Variants in MKLN1 observed in about 807,000 individuals in gnomAD.
MKLN1 encodes muskelin.
Under a neutral mutation model 99.0 loss-of-function variants are expected in MKLN1, and 18 were observed. The observed-to-expected ratio is 0.18, with a 90% CI of 0.13 to 0.27. MKLN1 has a LOEUF of 0.27. Ranked by LOEUF, MKLN1 falls within the 10% of genes least tolerant of loss-of-function variation. The pLI, the probability that MKLN1 is intolerant of heterozygous loss-of-function variation, is 1.00. For missense variants in MKLN1, 621 were observed against 875.9 expected (o/e 0.71, Z 3.67); for synonymous variants, 288 against 293.2 (o/e 0.98, Z 0.18).
At chr7:131,245,713 T>A (rs1030611125) in intron 3 of MKLN1, among the ~76,000 whole-genome samples, 1 of 152,236 alleles carries the variant, frequency 6.6e-6, no homozygotes, top group South Asian at 2.1e-4. Context: ...AGCAATAGGC[T>A]ATGCCATGTA....
At chr7:131,182,316 G>T (rs1350950261) in intron 2 of MKLN1, among the ~76,000 whole-genome samples, 2 of 152,282 alleles carry the variant, frequency 1.3e-5, no homozygotes, top group African/African-American at 2.4e-5. Context: ...GAAAATACTG[G>T]AATTGAAAAG....
chr7:131,116,041 C>T lies in MKLN1; in HGVS notation c.-419+5834C>T, dbSNP rs949040298. On this transcript the variant is annotated intron_variant, in intron 1 of 7. Coordinates refer to the MKLN1 transcript ENST00000416992. ...TTAATTAGGGCCGGGCACGGTGGCT[C>T]ACGCCTGTAATCCCAGCACTTTGGG... Among the ~76,000 whole-genome samples, 8 of 152,172 alleles carry T rather than the reference C, an allele frequency of 5.3e-5. 1 individual carries two copies. The South Asian group carries it at 8.3e-4, about 16-fold the overall frequency.
At chr7:131,486,095 CAG>C (rs141739452) in intron 17 of MKLN1, among the ~76,000 whole-genome samples, 268 of 146,452 alleles carry the variant, frequency 1.8e-3, no homozygotes, top group Non-Finnish European at 1.9e-3. Flanking sequence ...TGGAGAGAGA[CAG>C]AGAGAGAGAG....
chr7:131,147,792 G>C (rs1391932038), intron 2 of MKLN1, among the ~76,000 whole-genome samples: 2 of 152,088 alleles, frequency 1.3e-5, no homozygotes, highest in Non-Finnish European at 2.9e-5. Flanking sequence ...TGACACACTT[G>C]GACTCTGATT....
chr7:131,441,459 C>CT (rs529861765), intron 10 of MKLN1, among the ~76,000 whole-genome samples: 26 of 152,226 alleles, frequency 1.7e-4, no homozygotes, highest in African/African-American at 6.0e-4. Flanking sequence ...AATTAAATAT[C>CT]TAACTCCTGA....
intron 3 of MKLN1, among the ~76,000 whole-genome samples, chr7:131,237,584 C>A (rs993493888): frequency 3.9e-5 from 6 of 152,096 alleles, no homozygotes; most frequent in African/African-American, 1.4e-4. Flanking sequence ...AAATATTAGG[C>A]TGTATAATCG....
At chr7:131,424,862 C>T (rs1171101857) in intron 8 of MKLN1, among the ~76,000 whole-genome samples, 1 of 152,184 alleles carries the variant, frequency 6.6e-6, no homozygotes, top group Non-Finnish European at 1.5e-5. Context: ...TACCTTGCTA[C>T]CCCTCTGCCT....
intron 1 of MKLN1, among the ~76,000 whole-genome samples, chr7:131,332,769 C>CT (rs967313376): frequency 1.6e-4 from 24 of 149,492 alleles, no homozygotes; most frequent in African/African-American, 3.0e-4. Context: ...TATTTTTTTT[C>CT]TTTTTTTTTA....
chr7:131,393,126 C>T (rs1794256145), intron 4 of MKLN1, among the ~76,000 whole-genome samples: 1 of 152,136 alleles, frequency 6.6e-6, no homozygotes, highest in Non-Finnish European at 1.5e-5. Context: ...AAAGGTGACA[C>T]AGGGATGTTG....
At chr7:131,479,454 C>T (rs1244530277) in intron 17 of MKLN1, among the ~76,000 whole-genome samples, 2 of 152,076 alleles carry the variant, frequency 1.3e-5, no homozygotes, top group Admixed American at 6.5e-5. Flanking sequence ...CACTTGAGCC[C>T]AGGAGGTAGA....
chr7:131,319,308 C>T (rs1263180997), intron 3 of MKLN1, among the ~76,000 whole-genome samples: 5 of 152,162 alleles, frequency 3.3e-5, no homozygotes, highest in Admixed American at 1.3e-4. Context: ...AATCAACAAA[C>T]GTAATCTATC....
chr7:131,458,524 ACTATT>A (rs770816267), intron 12 of MKLN1, among the ~76,000 whole-genome samples: 10 of 152,106 alleles, frequency 6.6e-5, no homozygotes, highest in Non-Finnish European at 1.3e-4. Flanking sequence ...TAGAGAAGAA[ACTATT>A]CTATATTATT....
At chr7:131,120,548 CAAAAAAAAAA>C (rs55945614) in intron 1 of MKLN1, among the ~76,000 whole-genome samples, 1 of 98,130 alleles carries the variant, frequency 1.0e-5, no homozygotes, top group Non-Finnish European at 1.9e-5. Flanking sequence ...GACTCCCTCT[CAAAAAAAAAA>C]AAAAAAAGAA....
intron 2 of MKLN1, among the ~76,000 whole-genome samples, chr7:131,156,079 G>T (rs922524606): frequency 3.3e-5 from 5 of 152,162 alleles, no homozygotes; most frequent in Admixed American, 2.0e-4. Context: ...GCAGGGATTT[G>T]TAGCAATCAA....
chr7:131,420,022 A>T (rs143293100), intron 8 of MKLN1, among the ~76,000 whole-genome samples: 2 of 152,308 alleles, frequency 1.3e-5, no homozygotes, highest in Non-Finnish European at 2.9e-5. Flanking sequence ...TTATACTAGA[A>T]TGGTAGTAGT....
chr7:131,328,249 A>C, intron 1 of MKLN1: 1 of 485,508 alleles, frequency 2.1e-6, no homozygotes, highest in South Asian at 2.7e-5. Flanking sequence ...GCACAGGAGA[A>C]CCGGAAGCCC....
chr7:131,148,618 T>C (rs1795847156), intron 2 of MKLN1, among the ~76,000 whole-genome samples: 1 of 151,604 alleles, frequency 6.6e-6, no homozygotes, highest in African/African-American at 2.4e-5. Flanking sequence ...CTAAAAAAAT[T>C]TAGAATTAGC....
At chr7:131,199,699 T>C (rs1384749247) in intron 2 of MKLN1, among the ~76,000 whole-genome samples, 1 of 152,188 alleles carries the variant, frequency 6.6e-6, no homozygotes, top group Non-Finnish European at 1.5e-5. Context: ...GTCTTTTAAT[T>C]TTTTAAAAAA....
chr7:131,129,211 T>C (rs1249713426), intron 1 of MKLN1, among the ~76,000 whole-genome samples: 1 of 152,156 alleles, frequency 6.6e-6, no homozygotes, highest in African/African-American at 2.4e-5. Context: ...TAAAATGATA[T>C]CTTACATGGA....
Sources: allele counts gnomAD v4.1 joint callset (sites outside exome capture counted in the v4.1 genomes callset), GRCh38; gene constraint gnomAD v4.1.1; transcripts MANE v1.5; gene names NCBI Gene and HGNC (gene_info 2026-07-23, HGNC 2026-07-21).